Variants in BICC1 observed in about 807,000 individuals in gnomAD.
BICC1 encodes protein bicaudal C homolog 1.
A neutral mutation model predicts 111.0 loss-of-function variants in BICC1; 43 were observed. The observed-to-expected ratio is 0.39, with a 90% CI of 0.30 to 0.50. The LOEUF (loss-of-function observed/expected upper bound fraction) is 0.50, where lower values mean the gene tolerates loss of function less well. Ranked by LOEUF, BICC1 falls within the 20% of genes least tolerant of loss-of-function variation. The pLI is 0.88. For synonymous variants in BICC1, 467 were observed against 434.4 expected, an observed-to-expected ratio of 1.07 and a Z score of -0.93; for missense variants, 1,091 against 1,203.2, an observed-to-expected ratio of 0.91 and a Z score of 1.38.
chr10:58,568,316 T>C lies in BICC1; in HGVS notation c.191-52539T>C, dbSNP rs953874180. Among the ~76,000 whole-genome samples, 9 of 152,142 alleles carry C rather than the reference T, an allele frequency of 5.9e-5. No homozygotes were observed. In the South Asian group the frequency reaches 8.3e-4, roughly 14 times the overall value. On this transcript the variant is annotated intron_variant, in intron 1 of 20. Transcript: ENST00000373886. ...GACTGACAGATGCCAAGTAGAGCCC[T>C]AGGATTTGATACGAAAGGGCTGGCT...
intron 1 of BICC1, among the ~76,000 whole-genome samples, chr10:58,592,746 G>T (rs1006989504): frequency 6.6e-6 from 1 of 151,110 alleles, no homozygotes; most frequent in Non-Finnish European, 1.5e-5. Context: ...GCCTGTTGGC[G>T]TGCACCTGTA....
intron 2 of BICC1, among the ~76,000 whole-genome samples, chr10:58,622,195 AT>A (rs1845840972): frequency 6.6e-6 from 1 of 152,064 alleles, no homozygotes; most frequent in Non-Finnish European, 1.5e-5. Flanking sequence ...GAAAAAAAAA[AT>A]GAAAAGAAAA....
At chr10:58,608,480 A>G (rs986258621) in intron 1 of BICC1, among the ~76,000 whole-genome samples, 26 of 152,224 alleles carry the variant, frequency 1.7e-4, no homozygotes, top group African/African-American at 7.2e-5. Context: ...TCTGCCCAGA[A>G]TTCCCTTTCC....
At chr10:58,730,626 G>A (rs1002508751) in intron 3 of BICC1, among the ~76,000 whole-genome samples, 7 of 151,932 alleles carry the variant, frequency 4.6e-5, no homozygotes, top group African/African-American at 1.7e-4. Flanking sequence ...GGACATCTAG[G>A]CTTTTTCATA....
intron 3 of BICC1, among the ~76,000 whole-genome samples, chr10:58,766,423 C>T (rs563562101): frequency 3.3e-5 from 5 of 152,010 alleles, no homozygotes; most frequent in Admixed American, 2.0e-4. Flanking sequence ...AATTAGGGGG[C>T]GGGCACGAGA....
At chr10:58,567,457 G>T (rs1360999821) in intron 1 of BICC1, among the ~76,000 whole-genome samples, 3 of 151,558 alleles carry the variant, frequency 2.0e-5, no homozygotes, top group Admixed American at 6.6e-5. Flanking sequence ...TCTTTTAGGG[G>T]ATATGTATAT....
intron 2 of BICC1, among the ~76,000 whole-genome samples, chr10:58,694,066 T>A (rs1212357784): frequency 6.6e-6 from 1 of 152,188 alleles, no homozygotes; most frequent in Non-Finnish European, 1.5e-5. Flanking sequence ...ACTAAGTTCC[T>A]ATGGCTGAGC....
chr10:58,554,300 G>C (rs542987810), intron 1 of BICC1, among the ~76,000 whole-genome samples: 2 of 152,026 alleles, frequency 1.3e-5, no homozygotes, highest in African/African-American at 2.4e-5. Context: ...TTTTATTGTC[G>C]AACCCTGAGC....
Position 58,605,826 on chromosome 10 carries a change from G to A in BICC1, c.191-15029G>A, listed in dbSNP as rs986838894. Among the ~76,000 whole-genome samples the A allele has an allele frequency of 3.9e-5, 6 of 152,310 alleles. No individual in the cohort carries two copies. The East Asian group carries it at 5.8e-4, about 15-fold the overall frequency. On this transcript the variant is annotated intron_variant, in intron 1 of 20. Transcript: ENST00000373886. ...ACATGGAACCCAGGGAATGTGGAGC[G>A]CTGACTCTCTATCATCTATGTTGTT...
intron 3 of BICC1, among the ~76,000 whole-genome samples, chr10:58,732,668 C>G (rs925206769): frequency 1.1e-4 from 17 of 151,488 alleles, no homozygotes; most frequent in African/African-American, 4.1e-4. Flanking sequence ...GTAGTCCCAA[C>G]TACTTGGGAG....
At chr10:58,689,674 G>A (rs1402627033) in intron 2 of BICC1, among the ~76,000 whole-genome samples, 13 of 152,174 alleles carry the variant, frequency 8.5e-5, no homozygotes, top group Non-Finnish European at 1.9e-4. Flanking sequence ...GTACAGACCT[G>A]GCCAGTTTTG....
intron 20 of BICC1, among the ~76,000 whole-genome samples, chr10:58,824,287 A>G (rs1234508842): frequency 2.6e-5 from 4 of 152,162 alleles, no homozygotes; most frequent in African/African-American, 9.7e-5. Context: ...TTTTTCACCT[A>G]TAAAATGGAG....
chr10:58,635,755 C>G (rs1339742111), intron 2 of BICC1, among the ~76,000 whole-genome samples: 1 of 152,188 alleles, frequency 6.6e-6, no homozygotes, highest in East Asian at 1.9e-4. Flanking sequence ...CTCTTGTCAA[C>G]CAGTGGTATC....
chr10:58,808,555 G>A (rs1843788106), intron 17 of BICC1, among the ~76,000 whole-genome samples: 1 of 152,108 alleles, frequency 6.6e-6, no homozygotes, highest in Admixed American at 6.5e-5. Flanking sequence ...GAGTGGTCAA[G>A]TTCAGGGTTC....
intron 3 of BICC1, among the ~76,000 whole-genome samples, chr10:58,750,758 G>A (rs1196750488): frequency 6.6e-6 from 1 of 152,090 alleles, no homozygotes; most frequent in Non-Finnish European, 1.5e-5. Context: ...TTATAATCCA[G>A]CTATTACCAT....
chr10:58,710,243 C>T (rs1371633498), intron 3 of BICC1, among the ~76,000 whole-genome samples: 5 of 152,130 alleles, frequency 3.3e-5, no homozygotes, highest in Admixed American at 6.5e-5. Flanking sequence ...ACCTCAAACC[C>T]AAATTCAGGT....
rs1254748121 is a variant in BICC1, at chr10:58,831,056, G to A, written c.*2165G>A. ...ATGAACAGTGCTTTGATATGCCAAAGGGAAAACTGTCCCACTTAAATTAGA... is the reference window on the plus strand; with the variant it reads ...ATGAACAGTGCTTTGATATGCCAAAAGGAAAACTGTCCCACTTAAATTAGA... On this transcript the variant is annotated 3_prime_UTR_variant, in exon 21 of 21. Transcript: ENST00000373886. 6.6e-6 allele frequency: 1 copy of A among 152,110 alleles called. No homozygotes were observed. Among genetic ancestry groups the A allele is most frequent in the African/African-American group, 2.4e-5 (1 of 41,416 alleles). 9.4% of individuals were successfully genotyped at this position (152,110 alleles called of 1,614,324 possible).
chr10:58,613,685 G>T (rs940458369), intron 1 of BICC1, among the ~76,000 whole-genome samples: 4 of 152,278 alleles, frequency 2.6e-5, no homozygotes, highest in African/African-American at 9.6e-5. Context: ...TTAGTGCATT[G>T]TCTAGAATGA....
rs1342051248 is a variant in BICC1 at position 58,801,122 on chromosome 10, C to T, written c.2015+76C>T. The stretch of plus-strand genomic sequence containing the variant: ...TTTGTTCTCAACTCTATAGTTAGTA[C>T]TCTTTGATTCAAGTCATGTTTGATC... On this transcript the variant is annotated intron_variant, in intron 14 of 20. Transcript: ENST00000373886. 2.7e-5 allele frequency: 34 copies of T among 1,264,360 alleles called. No individual in the cohort carries two copies. The South Asian group carries it at 6.4e-4, about 24-fold the overall frequency. The allele number at this position is 1,264,360 out of a possible 1,614,324, so 78.3% of individuals were successfully genotyped here.
Sources: allele counts gnomAD v4.1 joint callset (sites outside exome capture counted in the v4.1 genomes callset), GRCh38; gene constraint gnomAD v4.1.1; transcripts MANE v1.5; gene names NCBI Gene and HGNC (gene_info 2026-07-23, HGNC 2026-07-21).